Variants in PDE4D observed in about 807,000 individuals in gnomAD.
PDE4D encodes the protein phosphodiesterase 4D.
Under a neutral mutation model 87.4 loss-of-function variants are expected in PDE4D, and 24 were observed. The ratio of observed to expected loss-of-function variants is 0.27; its 90% CI spans 0.20 to 0.39. The LOEUF (loss-of-function observed/expected upper bound fraction) is 0.39, where lower values mean the gene tolerates loss of function less well. Ranked by LOEUF, PDE4D falls within the 10% of genes least tolerant of loss-of-function variation. The pLI is 1.00. For synonymous variants in PDE4D, 384 were observed against 383.2 expected (o/e 1.00, Z -0.02); for missense variants, 714 against 1,041.0 (o/e 0.69, Z 4.32).
At chr5:60,329,777 T>C (rs770653347) in intron 1 of PDE4D, among the ~76,000 whole-genome samples, 4 of 152,108 alleles carry the variant, frequency 2.6e-5, no homozygotes, top group African/African-American at 9.7e-5. Flanking sequence ...GGTGAAAATA[T>C]ATAGTTGTTT....
Position 59,181,543 on chromosome 5 carries a change from G to GATAT in PDE4D, c.759-903_759-900dup, listed in dbSNP as rs3061466. On this transcript the variant is annotated intron_variant, in intron 4 of 14. Transcript: ENST00000340635. The stretch of plus-strand genomic sequence containing the variant: ...CTTTTAGATACATTCAAAGATGTCT[G>GATAT]ATATATATATATATATATATATATA... Among the ~76,000 whole-genome samples the GATAT allele has an allele frequency of 4.3e-3, 511 of 118,874 alleles. 7 individuals carry two copies. Among genetic ancestry groups the GATAT allele is most frequent in the South Asian group, 0.02 (76 of 3,750 alleles). 78.0% of individuals were successfully genotyped at this position (118,874 alleles called of 152,430 possible).
intron 1 of PDE4D, among the ~76,000 whole-genome samples, chr5:60,510,131 G>T (rs1015298406): frequency 1.3e-5 from 2 of 152,136 alleles, no homozygotes; most frequent in Admixed American, 6.5e-5. Context: ...CTCTGCAGGA[G>T]ACCAGGGAAT....
intron 1 of PDE4D, among the ~76,000 whole-genome samples, chr5:60,515,227 G>A (rs1177007584): frequency 1.3e-5 from 2 of 151,798 alleles, no homozygotes; most frequent in Non-Finnish European, 2.9e-5. Flanking sequence ...TTTACTTTAG[G>A]GCTATATTGC....
intron 1 of PDE4D, among the ~76,000 whole-genome samples, chr5:59,754,609 G>A (rs776689864): frequency 5.3e-5 from 8 of 152,092 alleles, no homozygotes; most frequent in Non-Finnish European, 1.2e-4. Flanking sequence ...CCAGTGCTGT[G>A]TGAGCATTCT....
rs555324035 is a variant in PDE4D, at chr5:60,228,704, G to A, written c.-89-43017C>T. 1.2e-3 allele frequency among the ~76,000 whole-genome samples: 177 copies of A among 151,880 alleles called. 1 individual carries two copies. Among genetic ancestry groups the A allele is most frequent in the African/African-American group, 4.0e-3 (164 of 41,426 alleles). On this transcript the variant is annotated intron_variant, in intron 1 of 16. Transcript: ENST00000502484. ...GGTACCCTGAGCTGCTGTGTAAGAA[G>A]CTAAACTACCAAAAAAAACAAAAAA...
rs181775959 is a variant in PDE4D, at chr5:59,292,348, C to A, written c.456-76380G>T. Among the ~76,000 whole-genome samples the A allele has an allele frequency of 9.8e-4, 149 of 152,246 alleles. 1 individual carries two copies. The highest frequency in any genetic ancestry group is 1.5e-3 in the Non-Finnish European group (99 of 67,998). On this transcript the variant is annotated intron_variant, in intron 1 of 14. Transcript: ENST00000340635. ...AGCTATTTTTAAAATAACAATCTTG[C>A]AAATAGGTAGTACCTTAAGCAAAGA...
chr5:60,332,278 T>C (rs1757370434), intron 1 of PDE4D, among the ~76,000 whole-genome samples: 1 of 152,196 alleles, frequency 6.6e-6, no homozygotes, highest in Non-Finnish European at 1.5e-5. Context: ...ATTGATCCTG[T>C]TGTCCAGATA....
intron 3 of PDE4D, among the ~76,000 whole-genome samples, chr5:59,914,866 G>GTGTGT (rs1554112455): frequency 8.2e-6 from 1 of 122,542 alleles, no homozygotes; most frequent in Non-Finnish European, 1.7e-5. Context: ...TACTGATAGG[G>GTGTGT]GTGTGTGTGT....
chr5:59,751,928 T>C (rs1218768812), intron 1 of PDE4D, among the ~76,000 whole-genome samples: 1 of 152,102 alleles, frequency 6.6e-6, no homozygotes, highest in African/African-American at 2.4e-5. Flanking sequence ...CAGTGAATAT[T>C]CAATGAGATC....
intron 1 of PDE4D, among the ~76,000 whole-genome samples, chr5:59,472,809 C>T (rs939645827): frequency 7.9e-5 from 12 of 151,988 alleles, no homozygotes; most frequent in African/African-American, 2.7e-4. Context: ...TTAAAAGTTA[C>T]TTGAGATTGA....
intron 1 of PDE4D, among the ~76,000 whole-genome samples, chr5:60,449,069 G>A (rs42328): frequency 0.22 from 15,245 of 69,724 alleles, 1,223 homozygotes; most frequent in East Asian, 0.51. Flanking sequence ...CCAACTGCCC[G>A]CGCACACACA....
At chr5:60,411,447 A>G (rs1742034706) in intron 1 of PDE4D, among the ~76,000 whole-genome samples, 1 of 152,034 alleles carries the variant, frequency 6.6e-6, no homozygotes, top group Admixed American at 6.5e-5. Flanking sequence ...ACATGTCACA[A>G]AGGGAAGTAT....
intron 1 of PDE4D, among the ~76,000 whole-genome samples, chr5:59,619,024 C>T (rs1830037243): frequency 1.3e-5 from 2 of 152,140 alleles, no homozygotes; most frequent in South Asian, 4.1e-4. Flanking sequence ...GTTATAGCAA[C>T]ACAGACTGAC....
chr5:59,851,910 C>T (rs752585462), intron 1 of PDE4D, among the ~76,000 whole-genome samples: 3 of 152,036 alleles, frequency 2.0e-5, no homozygotes, highest in Admixed American at 6.6e-5. Context: ...ATGGCTAACA[C>T]CTTGGTTTCA....
At chr5:60,041,217 C>T (rs1768441583) in intron 2 of PDE4D, among the ~76,000 whole-genome samples, 1 of 151,960 alleles carries the variant, frequency 6.6e-6, no homozygotes, top group Non-Finnish European at 1.5e-5. Context: ...AAATTTTGGT[C>T]GATAGTCACG....
At chr5:59,007,199 A>T (rs1751794785) in intron 6 of PDE4D, among the ~76,000 whole-genome samples, 1 of 152,214 alleles carries the variant, frequency 6.6e-6, no homozygotes. Flanking sequence ...CACTGTTTGC[A>T]GTAGGACTTA....
intron 2 of PDE4D, among the ~76,000 whole-genome samples, chr5:60,062,828 C>T (rs561704149): frequency 6.6e-6 from 1 of 151,962 alleles, no homozygotes; most frequent in South Asian, 2.1e-4. Flanking sequence ...GAAAAGCAAA[C>T]AGAAATCCAT....
intron 1 of PDE4D, chr5:59,797,167 A>G (rs932422839): frequency 1.3e-5 from 2 of 151,602 alleles, no homozygotes; most frequent in Admixed American, 6.6e-5. Context: ...ACCAAGTCAG[A>G]AGTTGTGAAG....
intron 1 of PDE4D, among the ~76,000 whole-genome samples, chr5:59,824,253 C>T (rs1770051473): frequency 6.6e-6 from 1 of 152,170 alleles, no homozygotes; most frequent in Non-Finnish European, 1.5e-5. Flanking sequence ...TTACATTCTT[C>T]TCTTTTATAC....
Sources: allele counts gnomAD v4.1 joint callset (sites outside exome capture counted in the v4.1 genomes callset), GRCh38; gene constraint gnomAD v4.1.1; transcripts MANE v1.5; gene names NCBI Gene and HGNC (gene_info 2026-07-23, HGNC 2026-07-21).